Variants in CSMD1 observed in about 807,000 individuals in gnomAD.
CSMD1 encodes CUB and Sushi multiple domains 1.
In CSMD1, 213 loss-of-function variants were observed where a neutral mutation model predicts 417.5. The observed-to-expected ratio is 0.51, with a 90% confidence interval of 0.46 to 0.57. The LOEUF is 0.57. CSMD1 is among the 20% of genes least tolerant of loss of function. CSMD1 has a pLI of 0.00. For missense variants in CSMD1, 6,923 were observed against 4,529.7 expected (o/e 1.53, Z -15.17); for synonymous variants, 2,862 against 1,736.8 (o/e 1.65, Z -16.11).
rs184503746 is a variant in CSMD1 at position 3,659,349 on chromosome 8, C to A, written c.1010-42552G>T. The stretch of plus-strand genomic sequence containing the variant: ...GAAACAAATTTTCATTTTGCACTTG[C>A]CAATCTAGTTTACTACCCACTGATG... On this transcript the variant is annotated intron_variant, in intron 7 of 69. Coordinates refer to ENST00000635120, the MANE Select transcript of CSMD1 (RefSeq NM_033225.6). 1.2e-4 allele frequency among the ~76,000 whole-genome samples: 19 copies of A among 152,274 alleles called. No individual in the cohort carries two copies. In the East Asian group the frequency reaches 2.7e-3, roughly 22 times the overall value.
chr8:3,554,758 G>A (rs530445801), intron 10 of CSMD1, among the ~76,000 whole-genome samples: 12 of 152,158 alleles, frequency 7.9e-5, no homozygotes, highest in African/African-American at 2.4e-4. Flanking sequence ...ACTTCAGAGC[G>A]GGGGAGGGAG....
chr8:4,165,431 G>C (rs996518066), intron 3 of CSMD1, among the ~76,000 whole-genome samples: 3 of 152,204 alleles, frequency 2.0e-5, no homozygotes, highest in Admixed American at 6.5e-5. Flanking sequence ...GTTTGAGGTG[G>C]TGTCATGCTA....
chr8:4,942,331 A>C (rs902564652), intron 1 of CSMD1, among the ~76,000 whole-genome samples: 2 of 152,106 alleles, frequency 1.3e-5, no homozygotes, highest in Admixed American at 6.5e-5. Flanking sequence ...TCTGACAGAT[A>C]GAATAACCCA....
chr8:4,502,425 C>T (rs1400921209), intron 2 of CSMD1, among the ~76,000 whole-genome samples: 1 of 152,130 alleles, frequency 6.6e-6, no homozygotes, highest in Non-Finnish European at 1.5e-5. Context: ...TTCTTTCCCA[C>T]CCTTTGTCAG....
chr8:3,880,555 G>A (rs574435525), intron 5 of CSMD1, among the ~76,000 whole-genome samples: 15 of 152,210 alleles, frequency 9.9e-5, no homozygotes, highest in Admixed American at 2.6e-4. Flanking sequence ...CTTCTCAGTA[G>A]CATTGTGAAT....
intron 38 of CSMD1, among the ~76,000 whole-genome samples, chr8:3,160,653 T>C (rs920884972): frequency 6.6e-6 from 1 of 152,226 alleles, no homozygotes; most frequent in Admixed American, 6.5e-5. Flanking sequence ...AGTGGTAGGT[T>C]TGTTCTTACG....
At chr8:4,796,992 A>T (rs1373407125) in intron 1 of CSMD1, among the ~76,000 whole-genome samples, 1 of 152,172 alleles carries the variant, frequency 6.6e-6, no homozygotes, top group Non-Finnish European at 1.5e-5. Flanking sequence ...ATGCCACCCA[A>T]AGTGAGGTAC....
intron 3 of CSMD1, among the ~76,000 whole-genome samples, chr8:4,141,519 C>T (rs1803789264): frequency 6.6e-6 from 1 of 151,110 alleles, no homozygotes; most frequent in Non-Finnish European, 1.5e-5. Context: ...TTATTCGCTA[C>T]ATTTTCACAC....
At chr8:4,439,521 C>A (rs1382699729) in intron 2 of CSMD1, among the ~76,000 whole-genome samples, 3 of 150,918 alleles carry the variant, frequency 2.0e-5, no homozygotes, top group African/African-American at 7.2e-5. Context: ...TACATATATG[C>A]ATACATTTGA....
intron 54 of CSMD1, among the ~76,000 whole-genome samples, chr8:2,990,908 G>C (rs2128947795): frequency 6.6e-6 from 1 of 152,320 alleles, no homozygotes; most frequent in Non-Finnish European, 1.5e-5. Context: ...TCCCAGGGAA[G>C]CGCAGAACTG....
chr8:4,394,628 G>A (rs1804078521), intron 3 of CSMD1, among the ~76,000 whole-genome samples: 1 of 151,914 alleles, frequency 6.6e-6, no homozygotes, highest in Non-Finnish European at 1.5e-5. Context: ...CATTAGGGCT[G>A]GGAACTCCTG....
chr8:3,329,590 T>C (rs1318186819), intron 23 of CSMD1, among the ~76,000 whole-genome samples: 1 of 152,202 alleles, frequency 6.6e-6, no homozygotes, highest in Admixed American at 6.5e-5. Context: ...ACCCTTCTCA[T>C]GTACCATGAG....
At chr8:4,794,091 G>T (rs755668867) in intron 1 of CSMD1, among the ~76,000 whole-genome samples, 1 of 152,114 alleles carries the variant, frequency 6.6e-6, no homozygotes, top group African/African-American at 2.4e-5. Context: ...CAAAACTTCT[G>T]GAGATAAGTC....
intron 1 of CSMD1, among the ~76,000 whole-genome samples, chr8:4,876,727 C>G (rs1407810525): frequency 1.3e-5 from 2 of 152,052 alleles, no homozygotes; most frequent in Non-Finnish European, 2.9e-5. Flanking sequence ...ATCATGACCT[C>G]TTTCTTGTGT....
rs142542988 is a variant in CSMD1 at position 4,672,186 on chromosome 8, G to C, written c.86-34628C>G. ...TGGCTTCCATTTGCCAAGTGTCCTG[G>C]AACCTCAGGAAGAGAGGACAATGGC... On this transcript the variant is annotated intron_variant, in intron 1 of 69. Transcript: ENST00000635120. 5.2e-3 allele frequency among the ~76,000 whole-genome samples: 785 copies of C among 152,294 alleles called. 11 individuals carry two copies. The highest frequency in any genetic ancestry group is 0.018 in the African/African-American group (749 of 41,568).
At chr8:4,971,445 C>T (rs1209283887) in intron 1 of CSMD1, among the ~76,000 whole-genome samples, 1 of 151,954 alleles carries the variant, frequency 6.6e-6, no homozygotes, top group Non-Finnish European at 1.5e-5. Context: ...ATAATTCTAA[C>T]CTTCTGAAAG....
intron 10 of CSMD1, among the ~76,000 whole-genome samples, chr8:3,494,560 A>ATAGG (rs1224430397): frequency 0.016 from 681 of 43,318 alleles, 8 homozygotes; most frequent in African/African-American, 0.051. Context: ...TAGATGATAG[A>ATAGG]TAGATAGATA....
chr8:4,733,676 T>C (rs1399115007), intron 1 of CSMD1, among the ~76,000 whole-genome samples: 1 of 152,248 alleles, frequency 6.6e-6, no homozygotes, highest in Non-Finnish European at 1.5e-5. Context: ...TTTTGTTCAC[T>C]GACTACCTAT....
intron 30 of CSMD1, among the ~76,000 whole-genome samples, chr8:3,210,264 A>C (rs1389609927): frequency 6.6e-6 from 1 of 152,072 alleles, no homozygotes; most frequent in Admixed American, 6.6e-5. Flanking sequence ...ATAAAGCTTT[A>C]TTTGCATGTA....
Sources: allele counts gnomAD v4.1 joint callset (sites outside exome capture counted in the v4.1 genomes callset), GRCh38; gene constraint gnomAD v4.1.1; transcripts MANE v1.5; gene names NCBI Gene and HGNC (gene_info 2026-07-23, HGNC 2026-07-21).